SRRM1: variants seen among roughly 807,000 people sequenced by gnomAD.
The protein encoded by SRRM1 is serine and arginine repetitive matrix 1, also known as serine/arginine repetitive matrix protein 1.
A neutral mutation model predicts 110.2 loss-of-function variants in SRRM1; 19 were observed. The observed-to-expected ratio is 0.17, with a 90% CI of 0.12 to 0.25. The LOEUF is 0.25. SRRM1 is among the 10% of genes least tolerant of loss of function. The probability of loss-of-function intolerance (pLI) is 1.00; values close to 1 mark genes in which losing one functional copy is unlikely to be tolerated. For synonymous variants in SRRM1, 443 were observed against 414.9 expected (o/e 1.07, Z -0.82); for missense variants, 918 against 1,145.8 (o/e 0.80, Z 2.87).
At position 24,660,274 on chromosome 1, in the gene SRRM1, CAGT is replaced by C. The variant is rs137869526; in HGVS notation, c.1316-442_1316-440del. ...TTTACTTTACTGAGCTTGTTCTACT[CAGT>C]AGCAGCTCCCAATTTCCTTTAACTG... On this transcript the variant is annotated intron_variant, in intron 9 of 16. Transcript: ENST00000323848. Among the ~76,000 whole-genome samples, 95 of 152,310 alleles carry C rather than the reference CAGT, an allele frequency of 6.2e-4. No individual in the cohort carries two copies. The East Asian group carries it at 0.018, about 29-fold the overall frequency.
Position 24,667,484 on chromosome 1 carries a change from C to T in SRRM1, c.1739+559C>T, listed in dbSNP as rs976248436. 3.3e-5 allele frequency among the ~76,000 whole-genome samples: 5 copies of T among 152,176 alleles called. No homozygotes were observed. The South Asian group carries it at 6.2e-4, about 19-fold the overall frequency. ...AACATCCTCAATAAAACATTGGCAT[C>T]GTGTATTTCCTGGATACCTCTGTAG... On this transcript the variant is annotated intron_variant, in intron 13 of 16. Coordinates refer to ENST00000323848, the MANE Select transcript of SRRM1 (RefSeq NM_005839.4).
At chr1:24,666,513 G>T (rs900278785) in intron 12 of SRRM1, 3 of 294,320 alleles carry the variant, frequency 1.0e-5, no homozygotes, top group African/African-American at 6.9e-5. Context: ...TATAATCCCA[G>T]CACTTTGGGA....
At chr1:24,671,191 T>C (rs1416813527) in intron 15 of SRRM1, among the ~76,000 whole-genome samples, 195 bp from the exon 16 acceptor site, 1 of 152,240 alleles carries the variant, frequency 6.6e-6, no homozygotes, top group East Asian at 1.9e-4. Flanking sequence ...GAGCTCATCC[T>C]GGAGATAGCC....
chr1:24,664,112 C>T (rs1668688097), intron 12 of SRRM1, among the ~76,000 whole-genome samples: 1 of 150,320 alleles, frequency 6.7e-6, no homozygotes, highest in Non-Finnish European at 1.5e-5. Flanking sequence ...TCTCCTGCCT[C>T]AGCCTCCTGA....
intron 3 of SRRM1, 53 bp from the exon 4 acceptor site, chr1:24,648,806 G>A (rs1658932493): frequency 6.5e-7 from 1 of 1,534,786 alleles, no homozygotes. Flanking sequence ...TTGATTTGTT[G>A]GTTGGTTGGT....
intron 15 of SRRM1, 56 bp downstream of exon 15, chr1:24,670,371 G>A (rs1003630244): frequency 4.1e-6 from 6 of 1,470,932 alleles, no homozygotes; most frequent in East Asian, 2.5e-5. Flanking sequence ...TGGTCACTTT[G>A]AAGCAGAGAA....
chr1:24,664,776 A>G lies in SRRM1; in HGVS notation c.1628+1972A>G, dbSNP rs577614602. 2.9e-3 allele frequency among the ~76,000 whole-genome samples: 435 copies of G among 152,324 alleles called. 4 individuals are homozygous for G. Among genetic ancestry groups the G allele is most frequent in the Non-Finnish European group, 2.7e-3 (184 of 68,030 alleles). On this transcript the variant is annotated intron_variant, in intron 12 of 16. Transcript: ENST00000323848. ...CTGCTAAAGCATTCCTTTCCCAGCT[A>G]TAATTATCTCTGGCTTTTGTGAAGT...
chr1:24,662,672 C>G lies in SRRM1; in HGVS notation c.1496C>G (p.Ser499Cys), dbSNP rs1358066787. The G allele has an allele frequency of 5.0e-6, 8 of 1,613,844 alleles. No individual in the cohort carries two copies. The highest frequency in any genetic ancestry group is 6.8e-6 in the Non-Finnish European group (8 of 1,179,908). ...TTTGTAATTATAGACTCTGGCTCCT[C>G]CTCCTCCTCAGAAGATGAACGACCC... ...NQQSSSDSGS[S>C]SSSEDERPKR... The change falls in exon 12 of 17, where the codon TCC becomes TGC. Residue 499 changes from serine (S) to cysteine (C), a missense_variant. By Grantham distance (112) the Ser-to-Cys change is moderately radical. Transcript: ENST00000323848.
chr1:24,652,885 C>G, intron 7 of SRRM1, 28 bp from the exon 8 acceptor site: 1 of 1,604,106 alleles, frequency 6.2e-7, no homozygotes, highest in Non-Finnish European at 8.5e-7. Flanking sequence ...CTGGTTTATT[C>G]AGGACCTAAT....
chr1:24,654,803 G>C, intron 8 of SRRM1, 52 bp from the exon 9 acceptor site: 1 of 1,605,670 alleles, frequency 6.2e-7, no homozygotes, highest in Non-Finnish European at 8.5e-7. Context: ...ATACCTGTAA[G>C]GCCGTTCTTT....
intron 8 of SRRM1, among the ~76,000 whole-genome samples, chr1:24,653,687 A>G (rs528390076): frequency 6.6e-6 from 1 of 152,272 alleles, no homozygotes; most frequent in Admixed American, 6.5e-5. Context: ...TGAATCTTGG[A>G]TATATCACTT....
chr1:24,651,666 C>T, intron 6 of SRRM1, 54 bp downstream of exon 6: 1 of 1,294,032 alleles, frequency 7.7e-7, no homozygotes. Context: ...TTAATAGTGA[C>T]TGCAAATATG....
chr1:24,663,163 T>C, intron 12 of SRRM1: 5 of 1,506,382 alleles, frequency 3.3e-6, no homozygotes, highest in Non-Finnish European at 4.5e-6. Flanking sequence ...TTGACATTTG[T>C]TTTTCTCCAC....
At chr1:24,656,203 C>T (rs897448345) in intron 9 of SRRM1, among the ~76,000 whole-genome samples, 2 of 152,144 alleles carry the variant, frequency 1.3e-5, no homozygotes, top group Non-Finnish European at 2.9e-5. Flanking sequence ...GCCTTATCTC[C>T]CCACTCCCCA....
Position 24,670,844 on chromosome 1 carries a change from A to G in SRRM1, c.2400+529A>G, listed in dbSNP as rs552638391. 2.0e-5 allele frequency among the ~76,000 whole-genome samples: 3 copies of G among 152,044 alleles called. No homozygotes were observed. The East Asian group carries it at 6.1e-4, about 31-fold the overall frequency. The stretch of plus-strand genomic sequence containing the variant: ...GTAATTGCTTAGAAGTGTGAAATTG[A>G]AATATTATGGATTAAATTATAGGAG... On this transcript the variant is annotated intron_variant, in intron 15 of 16. Transcript: ENST00000323848.
At chr1:24,663,658 C>T (rs1023474067) in intron 12 of SRRM1, among the ~76,000 whole-genome samples, 2 of 151,932 alleles carry the variant, frequency 1.3e-5, no homozygotes, top group Non-Finnish European at 2.9e-5. Flanking sequence ...GTGAGAGGAT[C>T]ACGAGGTCAG....
rs1391887228 is a variant in SRRM1 at position 24,669,565 on chromosome 1, C to G, written c.2182C>G (p.Pro728Ala). 1 of 1,582,236 alleles carries G rather than the reference C, an allele frequency of 6.3e-7. No individual in the cohort carries two copies. The highest frequency in any genetic ancestry group is 8.6e-7 in the Non-Finnish European group (1 of 1,161,802). The change falls in exon 14 of 17, where the codon CCG (proline) becomes GCG (alanine). Residue 728 changes from proline (P) to alanine (A), a missense_variant. Pro to Ala is a conservative substitution (Grantham distance 27, BLOSUM62 -1). Around this residue, in one of 5 missense-constraint regions of SRRM1, gnomAD observed 357 missense variants for 402.9 expected, o/e 0.89. Coordinates refer to ENST00000323848, the MANE Select transcript of SRRM1 (RefSeq NM_005839.4). ...GCCCATTAGGAGAGTCTCCAGGACT[C>G]CGGAACCTAAAAAGATAAAAAAGTA... ...TRPIRRVSRT[P>A]EPKKIKKAAS...
chr1:24,653,089 T>C, intron 8 of SRRM1, 57 bp downstream of exon 8: 3 of 1,538,092 alleles, frequency 2.0e-6, no homozygotes, highest in Non-Finnish European at 2.6e-6. Context: ...ATAATCTTTC[T>C]TTTAGGATAA....
intron 8 of SRRM1, among the ~76,000 whole-genome samples, chr1:24,653,453 T>C (rs1662210382): frequency 6.6e-6 from 1 of 152,222 alleles, no homozygotes; most frequent in African/African-American, 2.4e-5. Context: ...GAATTTTTTA[T>C]AAAATTCTCA....
Sources: gnomAD v4.1 joint callset for allele counts (sites outside exome capture counted in the v4.1 genomes callset) on GRCh38, gnomAD v4.1.1 for gene constraint, gnomAD v4.1.1 regional missense constraint, MANE v1.5 for transcripts, NCBI Gene and HGNC (gene_info 2026-07-23, HGNC 2026-07-21) for gene names.